The following CAMKMT variants were observed in gnomAD, a reference collection of about 807,000 sequenced individuals.
CAMKMT encodes CaM KMT.
In CAMKMT, 53 loss-of-function variants were observed where a neutral mutation model predicts 48.0. The observed-to-expected ratio is 1.10, with a 90% CI of 0.89 to 1.39. The LOEUF is 1.39. Among genes scored for constraint, CAMKMT ranks in the 40% most tolerant of loss-of-function variants. The pLI is 0.00. For synonymous variants in CAMKMT, 165 were observed against 152.3 expected (o/e 1.08, Z -0.61); for missense variants, 428 against 402.7 (o/e 1.06, Z -0.54).
rs543363830 is a variant in CAMKMT at position 44,679,966 on chromosome 2, T to A, written c.377-24317T>A. On this transcript the variant is annotated intron_variant, in intron 3 of 10. Transcript: ENST00000378494. ...GAAGGACTTCATCTTTGATTGTTCT[T>A]TTTCTTATGTTTAAGTTTGAAGAAA... Among the ~76,000 whole-genome samples, 6 of 152,358 alleles carry A rather than the reference T, an allele frequency of 3.9e-5. No homozygotes were observed. In the South Asian group the frequency reaches 1.2e-3, roughly 32 times the overall value.
intron 10 of CAMKMT, 54 bp downstream of exon 10, chr2:44,766,615 A>T: frequency 6.3e-7 from 1 of 1,596,776 alleles, no homozygotes; most frequent in Non-Finnish European, 8.5e-7. Context: ...CATTTTGAAG[A>T]GATCATGGTC....
intron 2 of CAMKMT, among the ~76,000 whole-genome samples, chr2:44,375,653 T>G (rs981675156): frequency 2.8e-4 from 43 of 152,168 alleles, no homozygotes; most frequent in African/African-American, 1.0e-3. Flanking sequence ...ATGGCAAAGA[T>G]ACTAGAAAAT....
chr2:44,361,953 T>C lies in CAMKMT; in HGVS notation c.-55T>C. On this transcript the variant is annotated 5_prime_UTR_variant, in exon 1 of 11. Coordinates refer to ENST00000378494, the MANE Select transcript of CAMKMT (RefSeq NM_024766.5). Reference sequence around the variant, plus strand: ...TGACAGGGAAGAAGTTGGCAGGTCCTGGCAGGGGACGAGCTGCGGCGGTGG... The same window carrying C: ...TGACAGGGAAGAAGTTGGCAGGTCCCGGCAGGGGACGAGCTGCGGCGGTGG... 7.3e-7 allele frequency: 1 copy of C among 1,361,252 alleles called. No homozygotes were observed. Among genetic ancestry groups the C allele is most frequent in the Non-Finnish European group, 9.4e-7 (1 of 1,062,622 alleles). The allele number at this position is 1,361,252 out of a possible 1,614,324, so 84.3% of individuals were successfully genotyped here.
intron 3 of CAMKMT, among the ~76,000 whole-genome samples, chr2:44,437,838 C>CAAAA (rs370663723): frequency 2.1e-4 from 25 of 120,466 alleles, no homozygotes; most frequent in African/African-American, 6.9e-4. Flanking sequence ...GACTCTGCTA[C>CAAAA]AAAAAAAAAA....
intron 3 of CAMKMT, among the ~76,000 whole-genome samples, chr2:44,471,885 A>G (rs915387563): frequency 2.6e-5 from 4 of 151,840 alleles, no homozygotes; most frequent in Non-Finnish European, 4.4e-5. Context: ...TTCTCCACAT[A>G]GAGAAGACTG....
At chr2:44,524,916 T>C (rs1457912684) in intron 3 of CAMKMT, among the ~76,000 whole-genome samples, 1 of 152,080 alleles carries the variant, frequency 6.6e-6, no homozygotes, top group East Asian at 1.9e-4. Context: ...TAAGATCTTT[T>C]GTTTTTACTT....
At chr2:44,514,380 T>G (rs1670731577) in intron 3 of CAMKMT, among the ~76,000 whole-genome samples, 2 of 152,190 alleles carry the variant, frequency 1.3e-5, no homozygotes, top group African/African-American at 4.8e-5. Flanking sequence ...TGAAGCATTT[T>G]TAGTATGGCA....
intron 9 of CAMKMT, among the ~76,000 whole-genome samples, chr2:44,760,912 C>A (rs1029286145): frequency 1.3e-5 from 2 of 152,152 alleles, no homozygotes; most frequent in African/African-American, 4.8e-5. Context: ...ATTCACTGAG[C>A]GTTCCACTCA....
At chr2:44,447,406 A>C (rs905414695) in intron 3 of CAMKMT, among the ~76,000 whole-genome samples, 1 of 152,192 alleles carries the variant, frequency 6.6e-6, no homozygotes, top group African/African-American at 2.4e-5. Context: ...TGCCTACCGT[A>C]GTTTTGGATA....
intron 3 of CAMKMT, among the ~76,000 whole-genome samples, chr2:44,615,613 G>A (rs1374664102): frequency 6.6e-6 from 1 of 152,102 alleles, no homozygotes; most frequent in African/African-American, 2.4e-5. Flanking sequence ...TGATGGATGT[G>A]GTTTGGGGAA....
chr2:44,370,082 G>A (rs1679001180), intron 1 of CAMKMT: 2 of 152,158 alleles, frequency 1.3e-5, no homozygotes, highest in Admixed American at 1.3e-4. Flanking sequence ...TAAGAGTTTA[G>A]GGTCTGTAGT....
At chr2:44,743,824 C>T in intron 8 of CAMKMT, 128 bp downstream of exon 8, 1 of 622,364 alleles carries the variant, frequency 1.6e-6, no homozygotes, top group South Asian at 2.2e-5. Context: ...TTAACCTCAA[C>T]AAATTAATAT....
chr2:44,484,547 C>A (rs1194348653), intron 3 of CAMKMT, among the ~76,000 whole-genome samples: 4 of 151,874 alleles, frequency 2.6e-5, no homozygotes, highest in Non-Finnish European at 5.9e-5. Context: ...TGGTCCTCTA[C>A]CTCATACCAT....
chr2:44,724,127 C>T (rs1573170480), intron 7 of CAMKMT, among the ~76,000 whole-genome samples: 1 of 152,066 alleles, frequency 6.6e-6, no homozygotes, highest in Admixed American at 6.5e-5. Context: ...ATGTTCTAGC[C>T]AGGTGCAGTG....
At position 44,520,922 on chromosome 2, in the gene CAMKMT, C is replaced by T. The variant is rs567346889; in HGVS notation, c.376+130617C>T. ...CGCTCTGTGAAGAGGTGGCTTCTGT[C>T]ATGACTGTAAGTTTCCTGAGGTTTC... is the stretch of plus-strand genomic sequence containing the variant. On this transcript the variant is annotated intron_variant, in intron 3 of 10. Coordinates refer to ENST00000378494, the MANE Select transcript of CAMKMT (RefSeq NM_024766.5). 3.4e-3 allele frequency among the ~76,000 whole-genome samples: 516 copies of T among 152,324 alleles called. 3 individuals carry two copies. Among genetic ancestry groups the T allele is most frequent in the African/African-American group, 0.012 (492 of 41,564 alleles).
At chr2:44,535,683 C>G (rs1243030800) in intron 3 of CAMKMT, among the ~76,000 whole-genome samples, 1 of 152,138 alleles carries the variant, frequency 6.6e-6, no homozygotes, top group Non-Finnish European at 1.5e-5. Flanking sequence ...AGATAAAATT[C>G]AGCACCCATT....
At chr2:44,702,888 C>G (rs1282198213) in intron 3 of CAMKMT, among the ~76,000 whole-genome samples, 8 of 152,196 alleles carry the variant, frequency 5.3e-5, no homozygotes, top group Admixed American at 4.6e-4. Flanking sequence ...TTAACACCCT[C>G]TTCTCTGAAA....
intron 10 of CAMKMT, among the ~76,000 whole-genome samples, chr2:44,768,538 G>A (rs932119612): frequency 6.6e-6 from 1 of 151,872 alleles, no homozygotes; most frequent in African/African-American, 2.4e-5. Flanking sequence ...CCCAGAGGCC[G>A]GAGCAGTGAG....
In CAMKMT at chr2:44,532,816, AG is replaced by A. The variant is rs1456933584; in HGVS notation, c.376+142512del. Among the ~76,000 whole-genome samples, 7 of 142,134 alleles carry A rather than the reference AG, an allele frequency of 4.9e-5. No homozygotes were observed. The Admixed American group carries it at 5.1e-4, about 10-fold the overall frequency. The allele number at this position is 142,134 out of a possible 152,430, so 93.2% of individuals were successfully genotyped here. ...CATGAAGGTAACTGTATGCCATTAAAGTTTTTTTTTTTTTTTGAGACAGAGT... is the reference window on the plus strand; with the variant it reads ...CATGAAGGTAACTGTATGCCATTAAATTTTTTTTTTTTTTTGAGACAGAGT... On this transcript the variant is annotated intron_variant, in intron 3 of 10. Transcript: ENST00000378494.
Sources: allele counts gnomAD v4.1 joint callset (sites outside exome capture counted in the v4.1 genomes callset), GRCh38; gene constraint gnomAD v4.1.1; transcripts MANE v1.5; gene names NCBI Gene and HGNC (gene_info 2026-07-23, HGNC 2026-07-21).